Variants in ARHGAP31 observed in about 807,000 individuals in gnomAD.
The protein encoded by ARHGAP31 is Rho GTPase activating protein 31, also known as rho GTPase-activating protein 31.
In ARHGAP31, 34 loss-of-function variants were observed where a neutral mutation model predicts 113.9. The observed-to-expected ratio is 0.30, with a 90% confidence interval of 0.23 to 0.40. ARHGAP31 has a LOEUF of 0.40. Among genes scored for constraint, ARHGAP31 ranks in the 10% least tolerant of loss-of-function variants. ARHGAP31 has a pLI of 1.00. For synonymous variants in ARHGAP31, 650 were observed against 684.8 expected (o/e 0.95, Z 0.79); for missense variants, 1,548 against 1,767.1 (o/e 0.88, Z 2.22).
At position 119,418,419 on chromosome 3, in the gene ARHGAP31, C is replaced by G. The variant is rs886762944; in HGVS notation, c.*2155C>G. The G allele has an allele frequency of 2.0e-5, 3 of 152,196 alleles. No homozygotes were observed. Among genetic ancestry groups the G allele is most frequent in the Non-Finnish European group, 2.9e-5 (2 of 68,036 alleles). The allele number at this position is 152,196 out of a possible 1,614,324, so 9.4% of individuals were successfully genotyped here. On this transcript the variant is annotated 3_prime_UTR_variant, in exon 12 of 12. Transcript: ENST00000264245. ...AAAATGTGTCAGACAGGTTTTATGT[C>G]AGCCTCAGTGCTCCTGCGGTGTCGA...
rs1037731678 is a variant in ARHGAP31 at position 119,416,434 on chromosome 3, G to T, written c.*170G>T. ...TTATTAATTAGTCCATTTGCTAGAA[G>T]AGTGGTCAAGGGAAAAACGAGAGAT... On this transcript the variant is annotated 3_prime_UTR_variant, in exon 12 of 12. Coordinates refer to ENST00000264245, the MANE Select transcript of ARHGAP31 (RefSeq NM_020754.4). The T allele has an allele frequency of 2.4e-5, 23 of 951,632 alleles. No homozygotes were observed. The South Asian group carries it at 3.3e-4, about 14-fold the overall frequency. 58.9% of individuals were successfully genotyped at this position (951,632 alleles called of 1,614,324 possible). A position where few individuals can be genotyped will look rare whatever the true frequency, so the allele number is the denominator to read the frequency against.
chr3:119,402,084 G>A lies in ARHGAP31; in HGVS notation c.1332G>A (p.Glu444=), dbSNP rs1445877472. The A allele has an allele frequency of 6.2e-7, 1 of 1,614,220 alleles. No individual in the cohort carries two copies. Among genetic ancestry groups the A allele is most frequent in the Non-Finnish European group, 8.5e-7 (1 of 1,180,040 alleles). The change falls in exon 10 of 12, where the codon GAG becomes GAA. Residue 444 remains glutamate (E), a synonymous_variant. Coordinates refer to ENST00000264245, the MANE Select transcript of ARHGAP31 (RefSeq NM_020754.4). ...GGCCTGTTGAGGATCCGGAGAGCGA[G>A]CAAACAGCCCCAAAGATGTTGGGTA... ...VFRPVEDPES[E]QTAPKMLGMF...
Position 119,402,052 on chromosome 3 carries a change from G to T in ARHGAP31, c.1300G>T (p.Val434Phe). Residue 434 changes from valine (V) to phenylalanine (F), a missense_variant, in exon 10 of 12, where the codon GTT (valine) becomes TTT (phenylalanine). Physicochemically the swap from Val to Phe is conservative, Grantham distance 50 (BLOSUM62 -1). Coordinates refer to ENST00000264245, the MANE Select transcript of ARHGAP31 (RefSeq NM_020754.4). ...QARPPPEQLKVFRPVEDPESE... is the reference protein window; with the variant it reads ...QARPPPEQLKFFRPVEDPESE... ...CCGGCCCCCACCGGAACAGCTGAAG[G>T]TTTTCCGGCCTGTTGAGGATCCGGA... The T allele has an allele frequency of 6.2e-7, 1 of 1,614,202 alleles. No individual in the cohort carries two copies. Among genetic ancestry groups the T allele is most frequent in the South Asian group, 1.1e-5 (1 of 91,072 alleles).
intron 1 of ARHGAP31, among the ~76,000 whole-genome samples, chr3:119,302,386 G>GT (rs1459653093): frequency 1.3e-5 from 2 of 152,022 alleles, no homozygotes; most frequent in African/African-American, 4.8e-5. Context: ...ATTTTTTTTT[G>GT]TAAGAGCAGA....
At chr3:119,391,589 A>ACCCCCCCCCCCCCCCCCCCCCCCCC (rs368549202) in intron 7 of ARHGAP31, among the ~76,000 whole-genome samples, 1 of 103,752 alleles carries the variant, frequency 9.6e-6, no homozygotes, top group Non-Finnish European at 2.0e-5. Flanking sequence ...CTGGGTCTCT[A>ACCCCCCCCCCCCCCCCCCCCCCCCC]CCCCCCCCTC....
At chr3:119,396,958 C>T (rs960210979) in intron 8 of ARHGAP31, among the ~76,000 whole-genome samples, 1 of 152,092 alleles carries the variant, frequency 6.6e-6, no homozygotes, top group Admixed American at 6.6e-5. Context: ...GTTCAGAGAA[C>T]CCTCCAAAAT....
chr3:119,338,660 CT>C (rs1267285435), intron 1 of ARHGAP31, among the ~76,000 whole-genome samples: 1 of 151,960 alleles, frequency 6.6e-6, no homozygotes, highest in Non-Finnish European at 1.5e-5. Context: ...GAATTCAAAG[CT>C]AAAAAATAGA....
At chr3:119,333,996 T>A (rs2079918726) in intron 1 of ARHGAP31, among the ~76,000 whole-genome samples, 1 of 152,228 alleles carries the variant, frequency 6.6e-6, no homozygotes, top group African/African-American at 2.4e-5. Flanking sequence ...CCCTGGCACA[T>A]GTGCACAGCA....
Position 119,294,703 on chromosome 3 carries a change from C to G in ARHGAP31, c.-202C>G. ...CGGCCTCGGCACGGCGGCCCCGGAG[C>G]GGCGCGGGGTGGATCTCAGGCTCTG... On this transcript the variant is annotated 5_prime_UTR_variant, in exon 1 of 12. Coordinates refer to ENST00000264245, the MANE Select transcript of ARHGAP31 (RefSeq NM_020754.4). 1.7e-6 allele frequency: 1 copy of G among 596,462 alleles called. No individual in the cohort carries two copies. The highest frequency in any genetic ancestry group is 2.9e-6 in the Non-Finnish European group (1 of 340,210). 36.9% of individuals were successfully genotyped at this position (596,462 alleles called of 1,614,324 possible). A position where few individuals can be genotyped will look rare whatever the true frequency, so the allele number is the denominator to read the frequency against.
intron 1 of ARHGAP31, among the ~76,000 whole-genome samples, chr3:119,318,193 C>A (rs1454119654): frequency 6.6e-6 from 1 of 152,246 alleles, no homozygotes; most frequent in East Asian, 1.9e-4. Flanking sequence ...CTGCTTGAAC[C>A]CAGGAAGTCG....
intron 1 of ARHGAP31, among the ~76,000 whole-genome samples, chr3:119,326,770 G>A (rs7612159): frequency 0.4 from 61,155 of 152,060 alleles, 12,539 homozygotes; most frequent in Non-Finnish European, 0.43. Context: ...GGAATCTTGC[G>A]TTTGTATCTG....
At chr3:119,309,949 G>GTTT (rs57460032) in intron 1 of ARHGAP31, among the ~76,000 whole-genome samples, 4 of 143,980 alleles carry the variant, frequency 2.8e-5, no homozygotes, top group African/African-American at 2.6e-5. Flanking sequence ...ACTATCAACT[G>GTTT]TTTTTTTTTT....
chr3:119,319,434 A>C lies in ARHGAP31; in HGVS notation c.100+24430A>C, dbSNP rs74633858. On this transcript the variant is annotated intron_variant, in intron 1 of 11. Coordinates refer to ENST00000264245, the MANE Select transcript of ARHGAP31 (RefSeq NM_020754.4). ...CTGCCACCGTCTTTTATTTTTGTGG[A>C]AAATATTAAGAAACCACGGTACATT... 5.3e-3 allele frequency among the ~76,000 whole-genome samples: 810 copies of C among 152,222 alleles called. 6 individuals carry two copies. Among genetic ancestry groups the C allele is most frequent in the African/African-American group, 0.018 (734 of 41,532 alleles).
At chr3:119,405,534 C>T (rs1187766192) in intron 10 of ARHGAP31, among the ~76,000 whole-genome samples, 1 of 152,204 alleles carries the variant, frequency 6.6e-6, no homozygotes, top group East Asian at 1.9e-4. Context: ...ATCGTTTCCA[C>T]TGCCTCCCAT....
intron 1 of ARHGAP31, among the ~76,000 whole-genome samples, chr3:119,365,025 T>C (rs1350286453): frequency 1.3e-5 from 2 of 151,966 alleles, no homozygotes; most frequent in African/African-American, 4.8e-5. Flanking sequence ...ACCCAGGAGG[T>C]GGAGGTTGAA....
Position 119,414,551 on chromosome 3 carries a change from AGAG to A in ARHGAP31, c.2628_2630del (p.Glu876del), listed in dbSNP as rs1177496276. 1.2e-6 allele frequency: 2 copies of A among 1,614,092 alleles called. No individual in the cohort carries two copies. Among genetic ancestry groups the A allele is most frequent in the Non-Finnish European group, 1.7e-6 (2 of 1,180,040 alleles). ...GGGAGGTTGAGATCGTCTCACAAGA[AGAG>A]GAGGATGTAACCCATTCAGTACAGG... On this transcript the variant is annotated inframe_deletion, in exon 12 of 12. Transcript: ENST00000264245.
chr3:119,336,106 C>T (rs1208219576), intron 1 of ARHGAP31, among the ~76,000 whole-genome samples: 3 of 152,016 alleles, frequency 2.0e-5, no homozygotes, highest in Non-Finnish European at 2.9e-5. Context: ...ACCTGGGAGG[C>T]GGAGGTAGCA....
chr3:119,336,062 C>T (rs1437154503), intron 1 of ARHGAP31, among the ~76,000 whole-genome samples: 1 of 152,118 alleles, frequency 6.6e-6, no homozygotes, highest in East Asian at 1.9e-4. Context: ...ACAATCCCAG[C>T]TACTCTGGAG....
In ARHGAP31 at chr3:119,388,224, A is replaced by G. The variant is rs181931533; in HGVS notation, c.683-2561A>G. ...ATTTATTTTTGTCTTATACTGTGTAATTTCTATTTTTTTTATATATTTGCT... is the reference window on the plus strand; with the variant it reads ...ATTTATTTTTGTCTTATACTGTGTAGTTTCTATTTTTTTTATATATTTGCT... On this transcript the variant is annotated intron_variant, in intron 6 of 11. Coordinates refer to ENST00000264245, the MANE Select transcript of ARHGAP31 (RefSeq NM_020754.4). Among the ~76,000 whole-genome samples, 26 of 148,836 alleles carry G rather than the reference A, an allele frequency of 1.7e-4. No homozygotes were observed. The South Asian group carries it at 4.8e-3, about 28-fold the overall frequency.
Sources: allele counts gnomAD v4.1 joint callset (sites outside exome capture counted in the v4.1 genomes callset), GRCh38; gene constraint gnomAD v4.1.1; transcripts MANE v1.5; gene names NCBI Gene and HGNC (gene_info 2026-07-23, HGNC 2026-07-21).